The following ADCY1 variants were observed in gnomAD, a reference collection of about 807,000 sequenced individuals.
The protein encoded by ADCY1 is adenylate cyclase 1, also known as adenylate cyclase type 1.
ADCY1 carries 28 observed loss-of-function variants against 105.4 expected under a neutral mutation model. The ratio of observed to expected loss-of-function variants is 0.27; its 90% confidence interval spans 0.20 to 0.36. ADCY1 has a LOEUF of 0.36. ADCY1 is among the 10% of genes least tolerant of loss of function. The pLI, the probability that ADCY1 is intolerant of heterozygous loss-of-function variation, is 1.00. For synonymous variants in ADCY1, 655 were observed against 623.8 expected (o/e 1.05, Z -0.75); for missense variants, 977 against 1,434.2 (o/e 0.68, Z 5.15).
Position 45,722,217 on chromosome 7 carries a change from T to G in ADCY1, c.*8222T>G, listed in dbSNP as rs1248926833. On this transcript the variant is annotated 3_prime_UTR_variant, in exon 20 of 20. Transcript: ENST00000297323. ...TGTCCACTAGGAGGCACGCCCAGTG[T>G]GGGAGAGATGTATGGTCTTGCCTTC... The G allele has an allele frequency of 5.0e-6, 1 of 198,180 alleles. No homozygotes were observed. The highest frequency in any genetic ancestry group is 1.0e-5 in the Non-Finnish European group (1 of 98,470). The allele number at this position is 198,180 out of a possible 1,614,324, so 12.3% of individuals were successfully genotyped here.
Position 45,610,240 on chromosome 7 carries a change from CT to C in ADCY1, c.790-137del, listed in dbSNP as rs1793495254. ...TGGCTAGTGCTCCTGGAGGGAGTTGCTTGTTCAGTGGCAGTCCAGCCCTGGA... is the reference window on the plus strand; with the variant it reads ...TGGCTAGTGCTCCTGGAGGGAGTTGCTGTTCAGTGGCAGTCCAGCCCTGGA... On this transcript the variant is annotated intron_variant, in intron 2 of 19. Transcript: ENST00000297323. 1.1e-5 allele frequency: 8 copies of C among 699,908 alleles called. No homozygotes were observed. The South Asian group carries it at 1.4e-4, about 12-fold the overall frequency. 43.4% of individuals were successfully genotyped at this position (699,908 alleles called of 1,614,324 possible).
chr7:45,580,737 T>C (rs1331920636), intron 1 of ADCY1, among the ~76,000 whole-genome samples: 1 of 152,192 alleles, frequency 6.6e-6, no homozygotes, highest in Non-Finnish European at 1.5e-5. Context: ...AAAACCACAC[T>C]GTGGACTTGC....
chr7:45,664,143 G>A (rs1584316447), intron 8 of ADCY1: 8 of 706,824 alleles, frequency 1.1e-5, no homozygotes, highest in African/African-American at 8.7e-5. Flanking sequence ...TGGGGGATGG[G>A]ATATTGAGGG....
chr7:45,588,409 G>A (rs1486850878), intron 1 of ADCY1, among the ~76,000 whole-genome samples: 1 of 152,152 alleles, frequency 6.6e-6, no homozygotes, highest in Non-Finnish European at 1.5e-5. Flanking sequence ...ACCATTACCT[G>A]GCCTCCTCAT....
At chr7:45,671,495 C>T (rs1206196372) in intron 8 of ADCY1, among the ~76,000 whole-genome samples, 9 of 152,070 alleles carry the variant, frequency 5.9e-5, no homozygotes, top group Admixed American at 2.0e-4. Flanking sequence ...CATAAACTGC[C>T]GAACTGTTTT....
In ADCY1 at chr7:45,632,763, T is replaced by TC. The variant is rs200888655; in HGVS notation, c.1020+10021dup. On this transcript the variant is annotated intron_variant, in intron 4 of 19. Transcript: ENST00000297323. ...ATTTTTTTTTTTTGTAGAGACAGGG[T>TC]CTCACCATGTTGCCCAGGCTGGTCT... Among the ~76,000 whole-genome samples the TC allele has an allele frequency of 6.1e-3, 920 of 151,218 alleles. 7 individuals carry two copies. The highest frequency in any genetic ancestry group is 0.01 in the South Asian group (50 of 4,768).
At chr7:45,644,988 G>T (rs1364372701) in intron 4 of ADCY1, among the ~76,000 whole-genome samples, 2 of 152,190 alleles carry the variant, frequency 1.3e-5, no homozygotes, top group Non-Finnish European at 2.9e-5. Flanking sequence ...ACAGTTTCCA[G>T]AGACTCATGT....
intron 11 of ADCY1, among the ~76,000 whole-genome samples, chr7:45,684,106 G>A (rs1784618700): frequency 6.6e-6 from 1 of 152,246 alleles, no homozygotes; most frequent in African/African-American, 2.4e-5. Context: ...CTGCAGAGCA[G>A]CGGTTCTTCT....
intron 19 of ADCY1, among the ~76,000 whole-genome samples, chr7:45,711,607 GTATATATATATATATATATATATA>G (rs71030888): frequency 4.2e-5 from 3 of 70,808 alleles, no homozygotes; most frequent in East Asian, 3.5e-4. Flanking sequence ...ACTTCGTGCT[GTATATATATATATATATATATATA>G]TATATATATA....
chr7:45,641,644 C>T (rs890269886), intron 4 of ADCY1, among the ~76,000 whole-genome samples: 11 of 152,072 alleles, frequency 7.2e-5, no homozygotes, highest in South Asian at 2.1e-4. Context: ...AATGTCTTTT[C>T]GGCCGGGCGC....
intron 5 of ADCY1, among the ~76,000 whole-genome samples, chr7:45,654,067 G>C (rs1794880239): frequency 6.6e-6 from 1 of 152,206 alleles, no homozygotes; most frequent in African/African-American, 2.4e-5. Context: ...TGAGATCTCA[G>C]ATTAAATGGG....
rs765505992 is a variant in ADCY1, at chr7:45,575,108, C to T, written c.565C>T (p.Leu189Phe). 10 of 1,612,414 alleles carry T rather than the reference C, an allele frequency of 6.2e-6. No individual in the cohort carries two copies. The highest frequency in any genetic ancestry group is 1.3e-5 in the African/African-American group (1 of 74,936). The change falls in exon 1 of 20, where the codon CTC becomes TTC. Residue 189 changes from leucine (L) to phenylalanine (F), a missense_variant. Around this residue, in one of 7 missense-constraint regions of ADCY1, gnomAD observed 196 missense variants for 347.8 expected, o/e 0.56. Coordinates refer to ENST00000297323, the MANE Select transcript of ADCY1 (RefSeq NM_021116.4). This position sits in a 1 kb window ranked among gnomAD's most constrained non-coding sequence, Gnocchi z 4.7. ...VRSLLAIGFG[L>F]VVAASHLLVT... ...CAGCCTGCTGGCCATAGGCTTTGGG[C>T]TCGTGGTGGCTGCGTCGCACTTGCT...
At chr7:45,630,535 TTACATC>T (rs1794209727) in intron 4 of ADCY1, among the ~76,000 whole-genome samples, 1 of 152,212 alleles carries the variant, frequency 6.6e-6, no homozygotes, top group Non-Finnish European at 1.5e-5. Context: ...CCCTTAACTC[TTACATC>T]TTCTGTTGGC....
At chr7:45,692,950 G>C (rs888965748) in intron 14 of ADCY1, among the ~76,000 whole-genome samples, 2 of 152,156 alleles carry the variant, frequency 1.3e-5, no homozygotes, top group Non-Finnish European at 2.9e-5. Flanking sequence ...TAATGTTAGC[G>C]GGTAATAAAG....
chr7:45,679,428 T>G (rs112686465), intron 10 of ADCY1, among the ~76,000 whole-genome samples: 247 of 152,332 alleles, frequency 1.6e-3, no homozygotes, highest in African/African-American at 5.8e-3. Context: ...GTTCTGTGAT[T>G]CTCAGCCTAA....
At chr7:45,592,614 C>A (rs757667318) in intron 1 of ADCY1, 145 bp from the exon 2 acceptor site, 2 of 1,088,176 alleles carry the variant, frequency 1.8e-6, no homozygotes, top group Non-Finnish European at 2.7e-6. Context: ...CCGGCTGACT[C>A]CCTGTGTCCC....
rs569611079 is a variant in ADCY1, at chr7:45,575,275, C to T, written c.639+93C>T. 8.9e-6 allele frequency: 13 copies of T among 1,454,614 alleles called. No homozygotes were observed. The South Asian group carries it at 1.5e-4, about 17-fold the overall frequency. The allele number at this position is 1,454,614 out of a possible 1,614,324, so 90.1% of individuals were successfully genotyped here. A position where few individuals can be genotyped will look rare whatever the true frequency, so the allele number is the denominator to read the frequency against. On this transcript the variant is annotated intron_variant, in intron 1 of 19. Transcript: ENST00000297323. This position sits in a 1 kb window ranked among gnomAD's most constrained non-coding sequence, Gnocchi z 4.7. The stretch of plus-strand genomic sequence containing the variant: ...GGAGTCGGGCGCGCTTTTTCCTATG[C>T]GGCGGGTGGGGACACTGAGGCTCCG...
At chr7:45,668,053 A>G (rs1784295554) in intron 8 of ADCY1, among the ~76,000 whole-genome samples, 1 of 152,252 alleles carries the variant, frequency 6.6e-6, no homozygotes, top group African/African-American at 2.4e-5. Flanking sequence ...TTTTCTAGAT[A>G]TAGAATCATG....
chr7:45,647,290 G>C lies in ADCY1; in HGVS notation c.1021-1380G>C, dbSNP rs150728401. Among the ~76,000 whole-genome samples, 257 of 152,318 alleles carry C rather than the reference G, an allele frequency of 1.7e-3. 1 individual carries two copies. The highest frequency in any genetic ancestry group is 5.5e-3 in the African/African-American group (227 of 41,564). ...CCAGCGGTCGGTGTGGCCTGTCCCT[G>C]TCCTGACTCACTCTGTGCTGGCCAT... On this transcript the variant is annotated intron_variant, in intron 4 of 19. Transcript: ENST00000297323. The surrounding 1 kb of genome is among the most constrained non-coding windows in gnomAD (Gnocchi z 4.6).
Sources: gnomAD v4.1 joint callset for allele counts (sites outside exome capture counted in the v4.1 genomes callset) on GRCh38, gnomAD v4.1.1 for gene constraint, gnomAD v4.1.1 regional missense constraint, Gnocchi (gnomAD v3.1) non-coding constraint, MANE v1.5 for transcripts, NCBI Gene and HGNC (gene_info 2026-07-23, HGNC 2026-07-21) for gene names.